The following ISM2 variants were observed in gnomAD, a reference collection of about 807,000 sequenced individuals.
ISM2 encodes isthmin 2.
Under a neutral mutation model 58.0 loss-of-function variants are expected in ISM2, and 50 were observed. That is an observed-to-expected ratio of 0.86 (90% confidence interval 0.69 to 1.09). ISM2 has a LOEUF of 1.09. ISM2 is among the 50% of genes least tolerant of loss of function. The probability of loss-of-function intolerance (pLI) is 0.00; values close to 1 mark genes in which losing one functional copy is unlikely to be tolerated. For missense variants in ISM2, 723 were observed against 745.0 expected (o/e 0.97, Z 0.34); for synonymous variants, 303 against 312.4 (o/e 0.97, Z 0.32).
Position 77,478,337 on chromosome 14 carries a change from A to T in ISM2, c.1115-12T>A. The stretch of plus-strand genomic sequence containing the variant: ...CTTGTCCTCAGTGCCTTTGGGAGGA[A>T]AGGAGGCCAGGCTGGTGGCTCCGCA... On this transcript the variant is annotated splice_polypyrimidine_tract_variant and intron_variant, in intron 5 of 6. Transcript: ENST00000342219. The T allele has an allele frequency of 6.2e-7, 1 of 1,611,786 alleles. No homozygotes were observed. Among genetic ancestry groups the T allele is most frequent in the Non-Finnish European group, 8.5e-7 (1 of 1,178,050 alleles).
intron 4 of ISM2, 103 bp downstream of exon 4, chr14:77,482,219 C>T: frequency 1.2e-6 from 1 of 800,430 alleles, no homozygotes; most frequent in Admixed American, 2.4e-5. Context: ...TCCTGGCTTC[C>T]TCAATGGTCT....
chr14:77,487,461 TG>T (rs1431518451), intron 1 of ISM2, among the ~76,000 whole-genome samples: 1 of 152,006 alleles, frequency 6.6e-6, no homozygotes, highest in Non-Finnish European at 1.5e-5. Flanking sequence ...ACCCAGTAGG[TG>T]CTCAAAATGT....
chr14:77,475,775 G>A lies in ISM2; in HGVS notation c.1536C>T (p.Leu512=). Residue 512 remains leucine, a synonymous_variant, in exon 7 of 7, where the codon CTC becomes CTT. Transcript: ENST00000342219. This position sits in a 1 kb window ranked among gnomAD's most constrained non-coding sequence, Gnocchi z 4.1. ...TRGKGAGMPN[L]ISTDFSPKLH... is the part of the protein sequence containing the mutation. The stretch of plus-strand genomic sequence containing the variant: ...GCTTAGGTGAGAAGTCGGTGCTGAT[G>A]AGGTTGGGCATGCCGGCGCCCTTGC... 1 of 1,613,744 alleles carries A rather than the reference G, an allele frequency of 6.2e-7. No homozygotes were observed. The highest frequency in any genetic ancestry group is 8.5e-7 in the Non-Finnish European group (1 of 1,179,950).
Position 77,475,896 on chromosome 14 carries a change from G to A in ISM2, c.1415C>T (p.Ala472Val), listed in dbSNP as rs369577194. Reference protein sequence around the residue: ...RERLDIYQPTARFCLRSMLSG... With the variant: ...RERLDIYQPTVRFCLRSMLSG... ...CAGCATGGAACGCAGGCAGAAGCGC[G>A]CCGTGGGCTGGTAGATGTCCAGGCG... is the stretch of plus-strand genomic sequence containing the variant. The change falls in exon 7 of 7, where the codon GCG becomes GTG. Residue 472 changes from alanine to valine, a missense_variant. Ala to Val is a moderately conservative substitution (Grantham distance 64, BLOSUM62 0). Transcript: ENST00000342219. The surrounding 1 kb of genome is among the most constrained non-coding windows in gnomAD (Gnocchi z 4.1). 6.9e-6 allele frequency: 11 copies of A among 1,603,158 alleles called. No homozygotes were observed. In the East Asian group the frequency reaches 8.9e-5, roughly 13 times the overall value.
At chr14:77,493,456 T>C (rs1218869251) in intron 1 of ISM2, among the ~76,000 whole-genome samples, 1 of 152,024 alleles carries the variant, frequency 6.6e-6, no homozygotes, top group Non-Finnish European at 1.5e-5. Context: ...TTCACAAGGC[T>C]AATTATTTAT....
In ISM2 at chr14:77,484,932, G is replaced by C; in HGVS notation, c.142-13C>G. 2 of 1,535,256 alleles carry C rather than the reference G, an allele frequency of 1.3e-6. No homozygotes were observed. Among genetic ancestry groups the C allele is most frequent in the Middle Eastern group, 1.8e-4 (1 of 5,660 alleles). On this transcript the variant is annotated splice_polypyrimidine_tract_variant and intron_variant, in intron 1 of 6. Coordinates refer to ENST00000342219, the MANE Select transcript of ISM2 (RefSeq NM_199296.3). ...GGGAGGCTGAGACCTGAGGGAGAGA[G>C]AAGGAAGGTAAGGTAACAGGTCAGG...
chr14:77,498,783 A>G lies in ISM2; in HGVS notation c.11T>C (p.Leu4Pro). MRA[L>P]RDRAGLLLCV... ...GAGGAGGAGCCCGGCTCGGTCGCGG[A>G]GCGCACGCATCGTCTCGGTTCCGAG... The change falls in exon 1 of 7, where the codon CTC becomes CCC. Residue 4 changes from leucine (L) to proline (P), a missense_variant. Transcript: ENST00000342219. 6.9e-6 allele frequency: 10 copies of G among 1,449,918 alleles called. No homozygotes were observed. Among genetic ancestry groups the G allele is most frequent in the Non-Finnish European group, 9.0e-6 (10 of 1,111,000 alleles). The allele number at this position is 1,449,918 out of a possible 1,614,324, so 89.8% of individuals were successfully genotyped here.
At position 77,475,627 on chromosome 14, in the gene ISM2, G is replaced by A. The variant is rs200233020; in HGVS notation, c.1684C>T (p.Leu562=). ...TCCTTGGCCTCCTGCAACTGTGCTA[G>A]GTACTCCTCCTCCAGGGGGTTGTCG... ...CTDNPLEEEY[L]AQLQEAKEY The change falls in exon 7 of 7, where the codon CTA becomes TTA. Residue 562 remains leucine (L), a synonymous_variant. Coordinates refer to ENST00000342219, the MANE Select transcript of ISM2 (RefSeq NM_199296.3). The surrounding 1 kb of genome is among the most constrained non-coding windows in gnomAD (Gnocchi z 4.1). 1 of 1,605,814 alleles carries A rather than the reference G, an allele frequency of 6.2e-7. No homozygotes were observed. Among genetic ancestry groups the A allele is most frequent in the Non-Finnish European group, 8.5e-7 (1 of 1,175,596 alleles).
At chr14:77,485,317 A>G (rs1461256010) in intron 1 of ISM2, among the ~76,000 whole-genome samples, 1 of 152,196 alleles carries the variant, frequency 6.6e-6, no homozygotes, top group African/African-American at 2.4e-5. Flanking sequence ...GCCAGAGGAG[A>G]AAGGCCCCCA....
chr14:77,486,213 A>G (rs1380443302), intron 1 of ISM2, among the ~76,000 whole-genome samples: 1 of 152,244 alleles, frequency 6.6e-6, no homozygotes, highest in African/African-American at 2.4e-5. Context: ...ATAAAGTGAT[A>G]GTATTGTATC....
chr14:77,478,179 C>G, intron 6 of ISM2, 63 bp downstream of exon 6: 2 of 1,361,598 alleles, frequency 1.5e-6, no homozygotes, highest in South Asian at 2.4e-5. Context: ...TGGAATAATA[C>G]CCCACCCTCC....
chr14:77,484,259 C>T, intron 3 of ISM2, 64 bp downstream of exon 3: 1 of 1,572,060 alleles, frequency 6.4e-7, no homozygotes, highest in Middle Eastern at 1.7e-4. Flanking sequence ...ATCCTGAGCC[C>T]ACCTTGTCAG....
intron 1 of ISM2, among the ~76,000 whole-genome samples, chr14:77,491,985 C>T (rs1489725629): frequency 1.3e-5 from 2 of 151,152 alleles, no homozygotes; most frequent in South Asian, 2.1e-4. Flanking sequence ...CGTGAGCCAC[C>T]GCCCAGCCCC....
At position 77,482,407 on chromosome 14, in the gene ISM2, C is replaced by T. The variant is rs528707515; in HGVS notation, c.888G>A (p.Ala296=). The stretch of plus-strand genomic sequence containing the variant: ...TGTCTGTAGTTCCATTGAACCAGAG[C>T]GCCTGCTCTTCCTCATCTTCCTCTT... The part of the protein sequence containing the change: ...EDKEEDEEEQ[A]LWFNGTTDNW... The change falls in exon 4 of 7, where the codon GCG becomes GCA. Residue 296 remains alanine (A), a synonymous_variant. Transcript: ENST00000342219. 22 of 1,614,178 alleles carry T rather than the reference C, an allele frequency of 1.4e-5. No homozygotes were observed. In the African/African-American group the frequency reaches 1.5e-4, roughly 11 times the overall value.
At chr14:77,480,698 C>A (rs1304083608) in intron 4 of ISM2, among the ~76,000 whole-genome samples, 1 of 151,528 alleles carries the variant, frequency 6.6e-6, no homozygotes, top group Non-Finnish European at 1.5e-5. Flanking sequence ...GCTGGGACTA[C>A]AGGCAGGCGC....
At chr14:77,492,722 G>A (rs2079213769) in intron 1 of ISM2, among the ~76,000 whole-genome samples, 1 of 151,986 alleles carries the variant, frequency 6.6e-6, no homozygotes, top group Non-Finnish European at 1.5e-5. Context: ...TTGAAGACAG[G>A]ATCGGCCAGA....
chr14:77,482,762 G>A, intron 3 of ISM2, 95 bp from the exon 4 acceptor site: 3 of 752,126 alleles, frequency 4.0e-6, no homozygotes, highest in Non-Finnish European at 4.2e-6. Flanking sequence ...GAGGTGAGAG[G>A]CCCAACCTTT....
intron 1 of ISM2, among the ~76,000 whole-genome samples, chr14:77,496,904 A>C (rs1319850742): frequency 6.6e-6 from 1 of 151,600 alleles, no homozygotes; most frequent in Non-Finnish European, 1.5e-5. Context: ...AAAGGTAGCA[A>C]AACTGGTCTA....
intron 6 of ISM2, among the ~76,000 whole-genome samples, 155 bp downstream of exon 6, chr14:77,478,087 C>T (rs1010981954): frequency 3.3e-5 from 5 of 152,190 alleles, no homozygotes; most frequent in African/African-American, 1.2e-4. Flanking sequence ...CTCAGAAATG[C>T]CAGGGCCCCC....
Sources: gnomAD v4.1 joint callset for allele counts (sites outside exome capture counted in the v4.1 genomes callset) on GRCh38, gnomAD v4.1.1 for gene constraint, Gnocchi (gnomAD v3.1) non-coding constraint, MANE v1.5 for transcripts, NCBI Gene and HGNC (gene_info 2026-07-23, HGNC 2026-07-21) for gene names.